Variants in DEPDC5 observed in about 807,000 individuals in gnomAD.
The protein encoded by DEPDC5 is DEP domain containing 5, GATOR1 subcomplex subunit.
In DEPDC5, 73 loss-of-function variants were observed where a neutral mutation model predicts 217.3. The observed-to-expected ratio is 0.34, with a 90% CI of 0.28 to 0.41. The LOEUF is 0.41. Among genes scored for constraint, DEPDC5 ranks in the 10% least tolerant of loss-of-function variants. DEPDC5 has a pLI of 1.00. For synonymous variants in DEPDC5, 733 were observed against 756.7 expected (o/e 0.97, Z 0.51); for missense variants, 1,675 against 2,070.1 (o/e 0.81, Z 3.70).
intron 37 of DEPDC5, among the ~76,000 whole-genome samples, chr22:31,877,391 C>G (rs982025223): frequency 4.9e-5 from 6 of 122,056 alleles, no homozygotes; most frequent in African/African-American, 1.9e-4. Flanking sequence ...AAGCCAAGAT[C>G]ACACCACTGT....
rs1012977548 is a variant in DEPDC5 at position 31,837,120 on chromosome 22, C to T, written c.2319C>T (p.Gly773=). 1 of 1,614,158 alleles carries T rather than the reference C, an allele frequency of 6.2e-7. No homozygotes were observed. Among genetic ancestry groups the T allele is most frequent in the African/African-American group, 1.3e-5 (1 of 75,040 alleles). The part of the protein sequence containing the change: ...RQGLQNDYTE[G]CYDLLPEADI... ...GCCTGCAGAATGACTACACAGAGGG[C>T]TGTTATGATCTCCTTCCAGAAGCAG... is the stretch of plus-strand genomic sequence containing the variant. The change falls in exon 26 of 43, where the codon GGC becomes GGT. Residue 773 remains glycine, a synonymous_variant. Transcript: ENST00000651528.
chr22:31,899,169 C>T (rs1469294739), intron 40 of DEPDC5, among the ~76,000 whole-genome samples: 2 of 152,140 alleles, frequency 1.3e-5, no homozygotes, highest in Admixed American at 6.5e-5. Flanking sequence ...TCAAGACCAG[C>T]AGCCTCTGTT....
intron 17 of DEPDC5, 142 bp downstream of exon 17, chr22:31,805,057 A>G: frequency 2.7e-6 from 2 of 742,122 alleles, no homozygotes; most frequent in Admixed American, 2.7e-5. Flanking sequence ...ACATTTGCTC[A>G]AAGCTCTGTA....
intron 4 of DEPDC5, among the ~76,000 whole-genome samples, chr22:31,762,099 C>G (rs1343775509): frequency 6.6e-6 from 1 of 152,028 alleles, no homozygotes; most frequent in African/African-American, 2.4e-5. Context: ...TCCACCACAT[C>G]TGTCCCATTT....
At chr22:31,824,992 A>G (rs968677528) in intron 24 of DEPDC5, among the ~76,000 whole-genome samples, 6 of 150,196 alleles carry the variant, frequency 4.0e-5, no homozygotes, top group Non-Finnish European at 7.4e-5. Flanking sequence ...AAAAAAAAAA[A>G]GGAAGAAAAG....
At chr22:31,840,087 A>C (rs1327048163) in intron 27 of DEPDC5, among the ~76,000 whole-genome samples, 1 of 152,250 alleles carries the variant, frequency 6.6e-6, no homozygotes. Context: ...GTCAGGGAAA[A>C]TAACATTAGT....
In DEPDC5 at chr22:31,822,790, G is replaced by A. The variant is rs1439973732; in HGVS notation, c.2104G>A (p.Gly702Ser). 6.2e-7 allele frequency: 1 copy of A among 1,613,728 alleles called. No individual in the cohort carries two copies. The highest frequency in any genetic ancestry group is 8.5e-7 in the Non-Finnish European group (1 of 1,179,854). Residue 702 changes from glycine to serine, a missense_variant and splice_region_variant, in exon 24 of 43, where the codon GGT (glycine) becomes AGT (serine). Coordinates refer to ENST00000651528, the MANE Select transcript of DEPDC5 (RefSeq NM_001242896.3). ...CGGCCTGCTTAGCAACAGTGGTGCA[G>A]GTAACCAATCCAAGAGGTAATAGAG... The part of the protein sequence containing the change: ...SVGLLSNSGA[G>S]MNPRTQNKDS...
At chr22:31,809,410 C>T (rs923548006) in intron 18 of DEPDC5, among the ~76,000 whole-genome samples, 1 of 152,106 alleles carries the variant, frequency 6.6e-6, no homozygotes, top group Non-Finnish European at 1.5e-5. Context: ...CAGTCCATTC[C>T]CCCAGTGGAC....
At chr22:31,761,006 G>A (rs1306988053) in intron 4 of DEPDC5, among the ~76,000 whole-genome samples, 4 of 149,550 alleles carry the variant, frequency 2.7e-5, no homozygotes, top group African/African-American at 7.4e-5. Flanking sequence ...TTCTGAGACA[G>A]TGTCTTGTTC....
chr22:31,846,002 C>A (rs981319011), intron 30 of DEPDC5, among the ~76,000 whole-genome samples: 1 of 151,898 alleles, frequency 6.6e-6, no homozygotes, highest in Non-Finnish European at 1.5e-5. Context: ...TCATGTCCAG[C>A]TAATTTTTTG....
chr22:31,821,289 G>T (rs1289336455), intron 22 of DEPDC5, among the ~76,000 whole-genome samples: 1 of 152,240 alleles, frequency 6.6e-6, no homozygotes, highest in Non-Finnish European at 1.5e-5. Flanking sequence ...ATTCTTAACA[G>T]ATTAGACAGG....
At chr22:31,869,565 TAAAAAAAA>T (rs3069117) in intron 33 of DEPDC5, among the ~76,000 whole-genome samples, 1 of 125,394 alleles carries the variant, frequency 8.0e-6, no homozygotes. Flanking sequence ...AGTCTGTCTT[TAAAAAAAA>T]AAAAAAAAAA....
At chr22:31,797,570 A>G (rs1225815978) in intron 12 of DEPDC5, 30 bp from the exon 13 acceptor site, 11 of 1,568,822 alleles carry the variant, frequency 7.0e-6, no homozygotes, top group South Asian at 6.7e-5. Context: ...CAGCTGCTCA[A>G]TATCCATTTT....
chr22:31,822,996 T>C, intron 24 of DEPDC5: 1 of 524,954 alleles, frequency 1.9e-6, no homozygotes, highest in Non-Finnish European at 3.5e-6. Flanking sequence ...AACATGTTGG[T>C]CAAGCCACAT....
At chr22:31,844,670 A>C (rs1400803938) in intron 29 of DEPDC5, 1 of 244,216 alleles carries the variant, frequency 4.1e-6, no homozygotes, top group Non-Finnish European at 7.7e-6. Context: ...GAATCAAAGC[A>C]AAAACTGCCT....
intron 7 of DEPDC5, among the ~76,000 whole-genome samples, chr22:31,776,040 CAAA>C (rs753480175): frequency 8.5e-5 from 4 of 46,972 alleles, no homozygotes; most frequent in Admixed American, 4.6e-4. Flanking sequence ...GACTACATCT[CAAA>C]AAAAAAAAAA....
Position 31,792,764 on chromosome 22 carries a change from C to T in DEPDC5, c.714C>T (p.Asn238=), listed in dbSNP as rs2085824368. The part of the protein sequence containing the change: ...AKSVDEFPEI[N]RASIRQDHKG... ...TTTCAGATGAATTTCCTGAAATAAA[C>T]CGAGCCTCAATTCGACAGGATCACA... is the stretch of plus-strand genomic sequence containing the variant. Residue 238 remains asparagine (N), a synonymous_variant, in exon 12 of 43, where the codon AAC becomes AAT. Transcript: ENST00000651528. 1.3e-6 allele frequency: 2 copies of T among 1,550,470 alleles called. No individual in the cohort carries two copies. Among genetic ancestry groups the T allele is most frequent in the South Asian group, 2.6e-5 (2 of 78,324 alleles).
intron 33 of DEPDC5, among the ~76,000 whole-genome samples, chr22:31,862,751 C>T (rs947025183): frequency 6.7e-6 from 1 of 150,296 alleles, no homozygotes; most frequent in Non-Finnish European, 1.5e-5. Flanking sequence ...TGTAGGTCTT[C>T]GGATATCCCC....
intron 37 of DEPDC5, among the ~76,000 whole-genome samples, chr22:31,878,681 G>A (rs2093073524): frequency 6.6e-6 from 1 of 152,004 alleles, no homozygotes; most frequent in African/African-American, 2.4e-5. Flanking sequence ...CCACTGCACT[G>A]AAGACTTGGC....
Sources: allele counts gnomAD v4.1 joint callset (sites outside exome capture counted in the v4.1 genomes callset), GRCh38; gene constraint gnomAD v4.1.1; transcripts MANE v1.5; gene names NCBI Gene and HGNC (gene_info 2026-07-23, HGNC 2026-07-21).